Variants in WSCD2 observed in about 807,000 individuals in gnomAD.
The protein encoded by WSCD2 is sialate:O-sulfotransferase 2.
WSCD2 carries 28 observed loss-of-function variants against 55.7 expected under a neutral mutation model. The ratio of observed to expected loss-of-function variants is 0.50; its 90% CI spans 0.37 to 0.69. WSCD2 has a LOEUF of 0.69. Among genes scored for constraint, WSCD2 ranks in the 30% least tolerant of loss-of-function variants. WSCD2 has a pLI of 0.00. For synonymous variants in WSCD2, 301 were observed against 301.9 expected (o/e 1.00, Z 0.03); for missense variants, 616 against 762.1 (o/e 0.81, Z 2.26).
intron 1 of WSCD2, among the ~76,000 whole-genome samples, chr12:108,180,050 C>CAAAAAAA (rs59925486): frequency 1.5e-3 from 177 of 116,586 alleles, no homozygotes; most frequent in East Asian, 2.2e-3. Flanking sequence ...CTCAAAAAAA[C>CAAAAAAA]AAAAAAAAAA....
In WSCD2 at chr12:108,210,190, C is replaced by T. The variant is rs774780536; in HGVS notation, c.567C>T (p.Asn189=). Residue 189 remains asparagine (N), a synonymous_variant, in exon 4 of 9, where the codon AAC becomes AAT. Transcript: ENST00000547525. The surrounding 1 kb of genome is among the most constrained non-coding windows in gnomAD (Gnocchi z 4.3). ...GCGGCCACAAGATCCAGGCGACGAA[C>T]GTGAGCGAGGCAGAGTGCGACATGG... ...CYCGHKIQAT[N]VSEAECDMEC... The T allele has an allele frequency of 1.2e-5, 20 of 1,613,962 alleles. No homozygotes were observed. The highest frequency in any genetic ancestry group is 1.2e-4 in the Admixed American group (7 of 60,008).
chr12:108,208,046 A>G (rs1885640904), intron 3 of WSCD2, among the ~76,000 whole-genome samples: 2 of 152,348 alleles, frequency 1.3e-5, no homozygotes, highest in South Asian at 2.1e-4. Flanking sequence ...AGAAGGTGTC[A>G]GCCAAGATAA....
chr12:108,143,498 A>C (rs1308877005), intron 1 of WSCD2, among the ~76,000 whole-genome samples: 5 of 152,226 alleles, frequency 3.3e-5, no homozygotes, highest in Admixed American at 1.3e-4. Flanking sequence ...TCAGACTAAA[A>C]TGACTGGTCA....
chr12:108,206,423 G>C lies in WSCD2; in HGVS notation c.497+20G>C. 1 of 1,610,994 alleles carries C rather than the reference G, an allele frequency of 6.2e-7. No individual in the cohort carries two copies. Among genetic ancestry groups the C allele is most frequent in the Non-Finnish European group, 8.5e-7 (1 of 1,177,304 alleles). The stretch of plus-strand genomic sequence containing the variant: ...TGAACGGTAGGGTCCCAGCATCCCA[G>C]ACTTGTCCATTTCAGGCCCTTCCTT... On this transcript the variant is annotated intron_variant, in intron 3 of 8. Transcript: ENST00000547525.
At chr12:108,198,252 G>A (rs1884201643) in intron 2 of WSCD2, among the ~76,000 whole-genome samples, 1 of 152,140 alleles carries the variant, frequency 6.6e-6, no homozygotes, top group Admixed American at 6.5e-5. Context: ...ACCTGGCTAA[G>A]TGCTGTTGCT....
chr12:108,246,787 C>T lies in WSCD2; in HGVS notation c.1346-1204C>T, dbSNP rs144714373. On this transcript the variant is annotated intron_variant, in intron 8 of 8. Coordinates refer to ENST00000547525, the MANE Select transcript of WSCD2 (RefSeq NM_014653.4). ...TAAACCCTGCCCTCAGATAGCTTAC[C>T]GTCTGCTGGGGAGACAGACTACAGA... is the stretch of plus-strand genomic sequence containing the variant. Among the ~76,000 whole-genome samples, 891 of 152,160 alleles carry T rather than the reference C, an allele frequency of 5.9e-3. 9 individuals carry two copies. The highest frequency in any genetic ancestry group is 0.021 in the African/African-American group (853 of 41,506).
At chr12:108,193,775 TAG>T (rs1297174689) in intron 1 of WSCD2, among the ~76,000 whole-genome samples, 1 of 152,190 alleles carries the variant, frequency 6.6e-6, no homozygotes, top group African/African-American at 2.4e-5. Context: ...GACGGATGGA[TAG>T]ATGGACAGAT....
intron 7 of WSCD2, among the ~76,000 whole-genome samples, chr12:108,238,417 T>C (rs947346768): frequency 6.6e-6 from 1 of 152,232 alleles, no homozygotes; most frequent in Non-Finnish European, 1.5e-5. Context: ...TATGGACCCC[T>C]GTCTCCAGGA....
chr12:108,212,310 C>T (rs1033905585), intron 4 of WSCD2, among the ~76,000 whole-genome samples: 21 of 152,102 alleles, frequency 1.4e-4, no homozygotes, highest in African/African-American at 4.8e-4. Context: ...GAAGAGATGA[C>T]CTGAAAGTCA....
At chr12:108,238,619 C>G (rs1889455046) in intron 7 of WSCD2, among the ~76,000 whole-genome samples, 1 of 152,220 alleles carries the variant, frequency 6.6e-6, no homozygotes, top group Non-Finnish European at 1.5e-5. Context: ...TGACTTCTCA[C>G]AATGGCCTTG....
At chr12:108,220,831 C>A (rs1245613338) in intron 4 of WSCD2, among the ~76,000 whole-genome samples, 2 of 152,132 alleles carry the variant, frequency 1.3e-5, no homozygotes, top group Admixed American at 1.3e-4. Flanking sequence ...ACTCACTGCA[C>A]CCTGCCAACA....
At chr12:108,150,260 A>G (rs1455200085) in intron 1 of WSCD2, among the ~76,000 whole-genome samples, 1 of 152,124 alleles carries the variant, frequency 6.6e-6, no homozygotes, top group Non-Finnish European at 1.5e-5. Flanking sequence ...CTGTGCTCTT[A>G]ACCATTCTTC....
At chr12:108,150,543 A>G (rs1006257094) in intron 1 of WSCD2, among the ~76,000 whole-genome samples, 1 of 152,126 alleles carries the variant, frequency 6.6e-6, no homozygotes, top group Non-Finnish European at 1.5e-5. Flanking sequence ...GATTTGCAGA[A>G]AGTCCCCTAC....
chr12:108,161,332 T>C (rs913121436), intron 1 of WSCD2, among the ~76,000 whole-genome samples: 16 of 152,300 alleles, frequency 1.1e-4, no homozygotes, highest in African/African-American at 3.4e-4. Flanking sequence ...TAATTGCAGA[T>C]GGAATTAGTT....
chr12:108,235,665 C>G (rs184005485), intron 7 of WSCD2, among the ~76,000 whole-genome samples: 1 of 152,080 alleles, frequency 6.6e-6, no homozygotes, highest in Non-Finnish European at 1.5e-5. Context: ...GAAAACATAA[C>G]CCCCCTGTGG....
chr12:108,166,787 T>TTCTTTCTTTCTC (rs1180713499), intron 1 of WSCD2, among the ~76,000 whole-genome samples: 40 of 146,242 alleles, frequency 2.7e-4, no homozygotes, highest in Non-Finnish European at 5.1e-4. Context: ...CTTTCTTTCT[T>TTCTTTCTTTCTC]TCTGTCTTTC....
intron 3 of WSCD2, among the ~76,000 whole-genome samples, 178 bp from the exon 4 acceptor site, chr12:108,209,943 G>T (rs1213813676): frequency 6.6e-6 from 1 of 151,900 alleles, no homozygotes; most frequent in East Asian, 1.9e-4. Flanking sequence ...GTCCCCTGAG[G>T]TCTCTCCTGT....
At chr12:108,241,263 A>G (rs1471331046) in intron 8 of WSCD2, among the ~76,000 whole-genome samples, 1 of 152,210 alleles carries the variant, frequency 6.6e-6, no homozygotes, top group Admixed American at 6.5e-5. Context: ...TCTGGCACTT[A>G]CTAGGTGACA....
chr12:108,202,072 A>G (rs931675601), intron 2 of WSCD2, among the ~76,000 whole-genome samples: 2 of 152,160 alleles, frequency 1.3e-5, no homozygotes, highest in African/African-American at 2.4e-5. Flanking sequence ...CTGCTACCAC[A>G]GCAGGATTTG....
Sources: allele counts gnomAD v4.1 joint callset (sites outside exome capture counted in the v4.1 genomes callset), GRCh38; gene constraint gnomAD v4.1.1; non-coding constraint Gnocchi (gnomAD v3.1); transcripts MANE v1.5; gene names NCBI Gene and HGNC (gene_info 2026-07-23, HGNC 2026-07-21).